ARHGEF7: variants seen among roughly 807,000 people sequenced by gnomAD.
ARHGEF7 encodes PAK-interacting exchange factor beta.
Under a neutral mutation model 109.8 loss-of-function variants are expected in ARHGEF7, and 33 were observed. The observed-to-expected ratio is 0.30, with a 90% CI of 0.23 to 0.40. The LOEUF (loss-of-function observed/expected upper bound fraction) is 0.40. Ranked by LOEUF, ARHGEF7 falls within the 10% of genes least tolerant of loss-of-function variation. ARHGEF7 has a pLI of 1.00. For missense variants in ARHGEF7, 938 were observed against 1,098.5 expected (o/e 0.85, Z 2.07); for synonymous variants, 458 against 424.6 (o/e 1.08, Z -0.97).
At chr13:111,141,442 T>TG (rs138429829) in intron 1 of ARHGEF7, among the ~76,000 whole-genome samples, 6,012 of 152,152 alleles carry the variant, frequency 0.04, 403 homozygotes, top group African/African-American at 0.14. Flanking sequence ...GTGCGAGCTA[T>TG]GGGGGAAGTG....
At chr13:111,300,173 A>G (rs1170380762) in intron 19 of ARHGEF7, among the ~76,000 whole-genome samples, 1 of 152,230 alleles carries the variant, frequency 6.6e-6, no homozygotes, top group East Asian at 1.9e-4. Context: ...ATGTTCTGAC[A>G]TTGTGAGCAG....
intron 1 of ARHGEF7, among the ~76,000 whole-genome samples, chr13:111,152,393 A>G (rs1270808454): frequency 6.6e-6 from 1 of 152,250 alleles, no homozygotes; most frequent in Non-Finnish European, 1.5e-5. Flanking sequence ...TAATTTTTGA[A>G]AATTATTTTA....
intron 11 of ARHGEF7, among the ~76,000 whole-genome samples, chr13:111,275,283 CTCTA>C (rs772551967): frequency 7.5e-4 from 114 of 152,318 alleles, no homozygotes; most frequent in African/African-American, 2.4e-3. Context: ...GCAAAATGTG[CTCTA>C]TCTTTCTAAA....
intron 2 of ARHGEF7, among the ~76,000 whole-genome samples, chr13:111,174,581 A>G (rs1371650060): frequency 3.3e-5 from 5 of 152,228 alleles, no homozygotes; most frequent in African/African-American, 1.2e-4. Context: ...TTATCTGGGC[A>G]TACGTGGCTT....
At chr13:111,279,468 G>T (rs1350909536) in intron 13 of ARHGEF7, among the ~76,000 whole-genome samples, 2 of 152,204 alleles carry the variant, frequency 1.3e-5, no homozygotes, top group Non-Finnish European at 2.9e-5. Context: ...CACCAGTTGA[G>T]CAGCACTCCG....
chr13:111,120,787 G>A (rs532429651), intron 1 of ARHGEF7, among the ~76,000 whole-genome samples: 3 of 152,308 alleles, frequency 2.0e-5, no homozygotes, highest in South Asian at 4.1e-4. Context: ...TGCTCCTCTC[G>A]TTTGCAGGCG....
At position 111,154,029 on chromosome 13, in the gene ARHGEF7, G is replaced by C. The variant is rs770218715; in HGVS notation, c.252+38G>C. 6 of 1,576,402 alleles carry C rather than the reference G, an allele frequency of 3.8e-6. No homozygotes were observed. The Admixed American group carries it at 1.0e-4, about 27-fold the overall frequency. On this transcript the variant is annotated intron_variant, in intron 2 of 21. Coordinates refer to ENST00000646102, the MANE Select transcript of ARHGEF7 (RefSeq NM_001354046.2). ...GGCCACGGGCCGAGGGAGGGGCCGG[G>C]AAGACGGGGTTGGGCCCGGGGTGGG...
intron 1 of ARHGEF7, among the ~76,000 whole-genome samples, chr13:111,139,345 C>G (rs754520433): frequency 6.6e-6 from 1 of 152,190 alleles, no homozygotes; most frequent in African/African-American, 2.4e-5. Flanking sequence ...CTCTGTGTCT[C>G]TCTGTGACTC....
intron 1 of ARHGEF7, among the ~76,000 whole-genome samples, chr13:111,136,758 A>G (rs1023669193): frequency 6.6e-6 from 1 of 152,232 alleles, no homozygotes; most frequent in Non-Finnish European, 1.5e-5. Context: ...GCAGAGCTGA[A>G]GGAGATAGAG....
intron 1 of ARHGEF7, among the ~76,000 whole-genome samples, chr13:111,148,292 G>C (rs796225871): frequency 1.3e-5 from 2 of 152,230 alleles, no homozygotes; most frequent in Admixed American, 6.5e-5. Context: ...TAGACCCAAG[G>C]GGTCAAGTGA....
intron 1 of ARHGEF7, among the ~76,000 whole-genome samples, chr13:111,125,499 A>G (rs926336404): frequency 1.3e-5 from 2 of 151,994 alleles, no homozygotes; most frequent in African/African-American, 4.8e-5. Flanking sequence ...TCCAGTTTAT[A>G]TTAAATTGCC....
chr13:111,212,297 A>T (rs550123839), intron 4 of ARHGEF7, among the ~76,000 whole-genome samples: 1 of 152,070 alleles, frequency 6.6e-6, no homozygotes, highest in African/African-American at 2.4e-5. Flanking sequence ...CCACTTCCAG[A>T]GGCTGAACTA....
chr13:111,125,487 C>T (rs186701422), intron 1 of ARHGEF7, among the ~76,000 whole-genome samples: 1 of 151,674 alleles, frequency 6.6e-6, no homozygotes, highest in Non-Finnish European at 1.5e-5. Flanking sequence ...ACGTAAGCCT[C>T]GTCCAGTTTA....
chr13:111,248,408 A>G (rs1258096897), intron 8 of ARHGEF7, among the ~76,000 whole-genome samples: 2 of 152,016 alleles, frequency 1.3e-5, no homozygotes, highest in African/African-American at 2.4e-5. Context: ...TTGAAAATTT[A>G]TGTCTTTTAC....
rs1340508395 is a variant in ARHGEF7, at chr13:111,286,185, G to T, written c.1989G>T (p.Leu663=). Residue 663 remains leucine, a synonymous_variant, in exon 17 of 22, where the codon CTG becomes CTT. Transcript: ENST00000646102. ...GCCCTAAGACCATGAAAAAGCTGCT[G>T]CCCAAGCGCAAACCTGAACGGAAGC... ...SKSPKTMKKL[L]PKRKPERKPS... 1.2e-6 allele frequency: 2 copies of T among 1,614,042 alleles called. No individual in the cohort carries two copies. The highest frequency in any genetic ancestry group is 1.7e-6 in the Non-Finnish European group (2 of 1,180,006).
In ARHGEF7 at chr13:111,303,106, A is replaced by G. The variant is rs1365764374; in HGVS notation, c.2582A>G (p.Asn861Ser). 1.2e-6 allele frequency: 2 copies of G among 1,611,468 alleles called. No individual in the cohort carries two copies. Among genetic ancestry groups the G allele is most frequent in the East Asian group, 4.5e-5 (2 of 44,786 alleles). Residue 861 changes from asparagine (N) to serine (S), a missense_variant, in exon 22 of 22, where the codon AAT (asparagine) becomes AGT (serine). Physicochemically the swap from Asn to Ser is conservative, Grantham distance 46. Coordinates refer to ENST00000646102, the MANE Select transcript of ARHGEF7 (RefSeq NM_001354046.2). The stretch of plus-strand genomic sequence containing the variant: ...AATGATCCTGCCTGGGATGAGACCA[A>G]TCTATAAGGGATGTCCTCAGTTCTT... ...NMNDPAWDET[N>S]L is the part of the protein sequence containing the mutation.
At chr13:111,120,497 GTACA>G (rs1566585208) in intron 1 of ARHGEF7, among the ~76,000 whole-genome samples, 2 of 150,064 alleles carry the variant, frequency 1.3e-5, no homozygotes, top group Non-Finnish European at 1.5e-5. Flanking sequence ...ACACATGCGT[GTACA>G]TAGACACGCA....
intron 12 of ARHGEF7, among the ~76,000 whole-genome samples, chr13:111,277,011 G>A (rs927569318): frequency 1.3e-5 from 2 of 152,174 alleles, no homozygotes; most frequent in Admixed American, 6.5e-5. Flanking sequence ...TAAACCAGGT[G>A]ATGTTTATGG....
chr13:111,156,644 G>A (rs1953415625), intron 2 of ARHGEF7, among the ~76,000 whole-genome samples: 1 of 152,224 alleles, frequency 6.6e-6, no homozygotes, highest in Non-Finnish European at 1.5e-5. Flanking sequence ...TGAAGGACTT[G>A]GTCATCTCCC....
Sources: allele counts gnomAD v4.1 joint callset (sites outside exome capture counted in the v4.1 genomes callset), GRCh38; gene constraint gnomAD v4.1.1; transcripts MANE v1.5; gene names NCBI Gene and HGNC (gene_info 2026-07-23, HGNC 2026-07-21).